The following LRP1B variants were observed in gnomAD, a reference collection of about 807,000 sequenced individuals.
LRP1B encodes the protein LDL receptor related protein 1B, also known as low-density lipoprotein receptor-related protein 1B.
A neutral mutation model predicts 556.6 loss-of-function variants in LRP1B; 217 were observed. That is an observed-to-expected ratio of 0.39 (90% CI 0.35 to 0.44). The LOEUF (loss-of-function observed/expected upper bound fraction) is 0.44. LRP1B is among the 20% of genes least tolerant of loss of function. The pLI is 1.00. For missense variants in LRP1B, 5,053 were observed against 5,620.8 expected, an observed-to-expected ratio of 0.90 and a Z score of 3.23; for synonymous variants, 2,047 against 1,865.8, an observed-to-expected ratio of 1.10 and a Z score of -2.50.
chr2:140,496,745 T>C (rs910867307), intron 55 of LRP1B, among the ~76,000 whole-genome samples: 1 of 152,040 alleles, frequency 6.6e-6, no homozygotes, highest in Non-Finnish European at 1.5e-5. Flanking sequence ...CTTGGCCAGA[T>C]GATTATGATC....
At chr2:140,707,844 G>A (rs906564751) in intron 37 of LRP1B, among the ~76,000 whole-genome samples, 1 of 152,020 alleles carries the variant, frequency 6.6e-6, no homozygotes, top group African/African-American at 2.4e-5. Flanking sequence ...AATATAAAAA[G>A]CACTCAACCA....
At chr2:140,305,330 G>A (rs9753254) in intron 83 of LRP1B, among the ~76,000 whole-genome samples, 1 of 151,904 alleles carries the variant, frequency 6.6e-6, no homozygotes. Flanking sequence ...CTTTTATTTT[G>A]TTGAGCAGTG....
At chr2:140,559,167 G>A (rs1003124243) in intron 43 of LRP1B, among the ~76,000 whole-genome samples, 2 of 151,924 alleles carry the variant, frequency 1.3e-5, no homozygotes, top group African/African-American at 4.8e-5. Flanking sequence ...TATACAGTAT[G>A]CAAATCTAGA....
intron 3 of LRP1B, among the ~76,000 whole-genome samples, chr2:141,428,593 TA>T (rs1427077610): frequency 6.6e-6 from 1 of 152,150 alleles, no homozygotes; most frequent in Non-Finnish European, 1.5e-5. Flanking sequence ...TTCAATTGTC[TA>T]ATATGTTTTC....
At chr2:140,240,876 C>A (rs935494026) in intron 87 of LRP1B, among the ~76,000 whole-genome samples, 7 of 150,940 alleles carry the variant, frequency 4.6e-5, no homozygotes, top group Admixed American at 1.3e-4. Flanking sequence ...CCACTTAGAA[C>A]TGTATTATAA....
intron 17 of LRP1B, among the ~76,000 whole-genome samples, chr2:140,983,459 G>A (rs1381397879): frequency 6.6e-6 from 1 of 152,042 alleles, no homozygotes; most frequent in Non-Finnish European, 1.5e-5. Flanking sequence ...GTGAACTTGG[G>A]TACTAATGGT....
chr2:140,542,615 G>A (rs557497710), intron 43 of LRP1B, among the ~76,000 whole-genome samples: 2 of 152,162 alleles, frequency 1.3e-5, no homozygotes, highest in African/African-American at 4.8e-5. Context: ...GTGATTCCTG[G>A]GTAATAGGAA....
chr2:141,818,472 T>G (rs577906156), intron 1 of LRP1B, among the ~76,000 whole-genome samples: 15 of 151,520 alleles, frequency 9.9e-5, no homozygotes, highest in East Asian at 1.9e-4. Flanking sequence ...CAATTCAACA[T>G]GCACTTTTAA....
rs759847737 is a variant in LRP1B at position 140,886,101 on chromosome 2, G to A, written c.3964+37C>T. 10 of 1,289,110 alleles carry A rather than the reference G, an allele frequency of 7.8e-6. No individual in the cohort carries two copies. In the East Asian group the frequency reaches 2.5e-4, roughly 32 times the overall value. The allele number at this position is 1,289,110 out of a possible 1,614,324, so 79.9% of individuals were successfully genotyped here. ...GTTCTTTGAATTTTCACTTAAAAAAGTAATCTAAACATTAAGAAAAATTAT... is the reference window on the plus strand; with the variant it reads ...GTTCTTTGAATTTTCACTTAAAAAAATAATCTAAACATTAAGAAAAATTAT... On this transcript the variant is annotated intron_variant, in intron 24 of 90. Transcript: ENST00000389484.
intron 27 of LRP1B, among the ~76,000 whole-genome samples, chr2:140,862,955 C>T (rs1038337461): frequency 6.6e-6 from 1 of 152,186 alleles, no homozygotes; most frequent in African/African-American, 2.4e-5. Flanking sequence ...GGTTCCTGGG[C>T]CTGTGAACTC....
Position 141,482,093 on chromosome 2 carries a change from G to A in LRP1B, c.206-1560C>T, listed in dbSNP as rs182974774. On this transcript the variant is annotated intron_variant, in intron 2 of 90. Transcript: ENST00000389484. ...AACATATTTTAGGATATGCAAAATT[G>A]TGAGAATTGCAGAAGTTTGCAATGT... 1.4e-3 allele frequency among the ~76,000 whole-genome samples: 218 copies of A among 152,184 alleles called. 2 individuals are homozygous for A. Among genetic ancestry groups the A allele is most frequent in the African/African-American group, 5.1e-3 (210 of 41,556 alleles).
rs2105305113 is a variant in LRP1B, at chr2:140,444,637, C to G, written c.10100G>C (p.Gly3367Ala). Residue 3367 changes from glycine (G) to alanine (A), a missense_variant, in exon 64 of 91, where the codon GGA (glycine) becomes GCA (alanine). Gly to Ala is a moderately conservative substitution (Grantham distance 60). Coordinates refer to ENST00000389484, the MANE Select transcript of LRP1B (RefSeq NM_018557.3). ...CQPGRFQCGT[G>A]LCALPAFICD... Reference sequence around the variant, plus strand: ...GATGAAAGCTGGTAGAGCACAGAGTCCAGTCCCACACTGAAATCGGCCTGG... The same window carrying G: ...GATGAAAGCTGGTAGAGCACAGAGTGCAGTCCCACACTGAAATCGGCCTGG... 1 of 1,613,918 alleles carries G rather than the reference C, an allele frequency of 6.2e-7. No individual in the cohort carries two copies. The highest frequency in any genetic ancestry group is 8.5e-7 in the Non-Finnish European group (1 of 1,179,914).
At chr2:140,328,064 T>G (rs1680588723) in intron 79 of LRP1B, among the ~76,000 whole-genome samples, 1 of 151,996 alleles carries the variant, frequency 6.6e-6, no homozygotes, top group Admixed American at 6.6e-5. Flanking sequence ...ATGAAAAAAG[T>G]TCATGTCTAT....
intron 2 of LRP1B, among the ~76,000 whole-genome samples, chr2:141,750,276 C>T (rs1236588491): frequency 1.3e-5 from 2 of 152,122 alleles, no homozygotes; most frequent in East Asian, 1.9e-4. Context: ...GGAAAGATAC[C>T]CCAGATCCAC....
chr2:141,265,765 T>A (rs570582402), intron 3 of LRP1B, among the ~76,000 whole-genome samples: 1 of 152,294 alleles, frequency 6.6e-6, no homozygotes, highest in African/African-American at 2.4e-5. Context: ...TAGCTGCATA[T>A]TGTTCCATTT....
At chr2:141,633,528 T>C (rs1287721854) in intron 2 of LRP1B, among the ~76,000 whole-genome samples, 1 of 152,096 alleles carries the variant, frequency 6.6e-6, no homozygotes, top group Non-Finnish European at 1.5e-5. Flanking sequence ...CCCAGGAAAG[T>C]GTTTGCCTCT....
intron 2 of LRP1B, among the ~76,000 whole-genome samples, chr2:141,583,687 T>C (rs1278819910): frequency 6.6e-6 from 1 of 151,812 alleles, no homozygotes; most frequent in Non-Finnish European, 1.5e-5. Flanking sequence ...ATTCACTCAA[T>C]ATATCATTGA....
intron 1 of LRP1B, among the ~76,000 whole-genome samples, chr2:142,105,336 A>G (rs1378096232): frequency 2.0e-5 from 3 of 152,172 alleles, no homozygotes; most frequent in Non-Finnish European, 2.9e-5. Context: ...GTTCTTTTCA[A>G]TTAACAAAAT....
chr2:141,456,790 T>C (rs951016787), intron 3 of LRP1B, among the ~76,000 whole-genome samples: 3 of 152,156 alleles, frequency 2.0e-5, no homozygotes, highest in Non-Finnish European at 4.4e-5. Flanking sequence ...GAACAAGATA[T>C]ATGAAACTGA....
Sources: gnomAD v4.1 joint callset for allele counts (sites outside exome capture counted in the v4.1 genomes callset) on GRCh38, gnomAD v4.1.1 for gene constraint, MANE v1.5 for transcripts, NCBI Gene and HGNC (gene_info 2026-07-23, HGNC 2026-07-21) for gene names.